The following PCDHGA2 variants were observed in gnomAD, a reference collection of about 807,000 sequenced individuals.
PCDHGA2 encodes the protein protocadherin gamma subfamily A, 2.
A neutral mutation model predicts 59.2 loss-of-function variants in PCDHGA2; 40 were observed. The observed-to-expected ratio is 0.68, with a 90% confidence interval of 0.52 to 0.88. The LOEUF (loss-of-function observed/expected upper bound fraction) is 0.88. Among genes scored for constraint, PCDHGA2 ranks in the 40% least tolerant of loss-of-function variants. The probability of loss-of-function intolerance (pLI) is 0.00; values close to 1 mark genes in which losing one functional copy is unlikely to be tolerated. For missense variants in PCDHGA2, 1,226 were observed against 1,204.0 expected (o/e 1.02, Z -0.27); for synonymous variants, 560 against 526.0 (o/e 1.06, Z -0.89).
intron 1 of PCDHGA2, chr5:141,350,037 G>A: frequency 2.6e-6 from 1 of 384,398 alleles, no homozygotes; most frequent in Non-Finnish European, 4.6e-6. Context: ...CAACCTCTGG[G>A]CGCCGCTGTC....
At chr5:141,376,323 G>T in intron 1 of PCDHGA2, 1 of 1,614,162 alleles carries the variant, frequency 6.2e-7, no homozygotes, top group South Asian at 1.1e-5. Flanking sequence ...GAAGGGGTTC[G>T]GGCTTTCCTG....
chr5:141,345,126 GAAA>G, intron 1 of PCDHGA2: 1 of 1,614,002 alleles, frequency 6.2e-7, no homozygotes, highest in Non-Finnish European at 8.5e-7. Context: ...CGTTGGAAGA[GAAA>G]TTGCTCTTAT....
chr5:141,372,455 G>C, intron 1 of PCDHGA2: 1 of 1,614,060 alleles, frequency 6.2e-7, no homozygotes, highest in Non-Finnish European at 8.5e-7. Flanking sequence ...CTCAGGCGGA[G>C]CTACAGTTTC....
At chr5:141,462,206 T>A (rs574863016) in intron 1 of PCDHGA2, among the ~76,000 whole-genome samples, 7 of 152,066 alleles carry the variant, frequency 4.6e-5, no homozygotes, top group African/African-American at 1.7e-4. Flanking sequence ...GTGATCCGCC[T>A]GCCTCGGCCT....
rs201540226 is a variant in PCDHGA2, at chr5:141,399,196, G to T, written c.2424+57801G>T. On this transcript the variant is annotated intron_variant, in intron 1 of 3. Coordinates refer to ENST00000394576, the MANE Select transcript of PCDHGA2 (RefSeq NM_018915.4). ...ACTTGAAATGATTCTGGAAAACGCG[G>T]TGCCTGGAACACTAATTGCTTTGAT... The T allele has an allele frequency of 4.2e-5, 67 of 1,613,820 alleles. 1 individual carries two copies. In the African/African-American group the frequency reaches 5.7e-4, roughly 14 times the overall value.
chr5:141,494,675 C>A, intron 1 of PCDHGA2, 132 bp from the exon 2 acceptor site: 2 of 1,548,574 alleles, frequency 1.3e-6, no homozygotes, highest in South Asian at 1.2e-5. Flanking sequence ...TGAGTCCACC[C>A]CTGCCCCCTC....
intron 1 of PCDHGA2, chr5:141,413,033 T>C: frequency 1.3e-6 from 1 of 776,760 alleles, no homozygotes; most frequent in Non-Finnish European, 2.0e-6. Context: ...ACAAACCGGC[T>C]GCTGGGCTGC....
chr5:141,438,591 CATATATATATAT>C lies in PCDHGA2; in HGVS notation c.2425-56182_2425-56171del, dbSNP rs946798767. ...TCTGATATACATACATACATACATACATATATATATATATATATATATATATATATATATATA... is the reference window on the plus strand; with the variant it reads ...TCTGATATACATACATACATACATACATATATATATATATATATATATATA... On this transcript the variant is annotated intron_variant, in intron 1 of 3. Coordinates refer to ENST00000394576, the MANE Select transcript of PCDHGA2 (RefSeq NM_018915.4). Among the ~76,000 whole-genome samples the C allele has an allele frequency of 1.5e-4, 11 of 75,568 alleles. No homozygotes were observed. The East Asian group carries it at 2.8e-3, about 19-fold the overall frequency. The allele number at this position is 75,568 out of a possible 152,430, so 49.6% of individuals were successfully genotyped here.
At chr5:141,413,677 G>C (rs539552615) in intron 1 of PCDHGA2, 1 of 1,613,794 alleles carries the variant, frequency 6.2e-7, no homozygotes, top group South Asian at 1.1e-5. Context: ...GGATGTGGGC[G>C]TGAACTCCCT....
intron 1 of PCDHGA2, among the ~76,000 whole-genome samples, chr5:141,471,120 C>T (rs560582806): frequency 6.7e-6 from 1 of 149,470 alleles, no homozygotes; most frequent in South Asian, 2.1e-4. Context: ...GCGATCTTAC[C>T]TTCACTGCAA....
At chr5:141,406,421 A>G (rs981815055) in intron 1 of PCDHGA2, among the ~76,000 whole-genome samples, 2 of 152,222 alleles carry the variant, frequency 1.3e-5, no homozygotes, top group East Asian at 1.9e-4. Flanking sequence ...GAAAGCCCAG[A>G]TTTATTGCTT....
intron 1 of PCDHGA2, chr5:141,371,030 C>T (rs62378420): frequency 0.034 from 55,625 of 1,613,990 alleles, 1,067 homozygotes; most frequent in Middle Eastern, 0.098. Flanking sequence ...ACCTGGTCCT[C>T]ACAGCTGTGG....
chr5:141,377,843 A>C (rs1774391445), intron 1 of PCDHGA2: 1 of 152,166 alleles, frequency 6.6e-6, no homozygotes, highest in Admixed American at 6.5e-5. Flanking sequence ...ATTATCTTCC[A>C]ATTAAAATTA....
At chr5:141,419,939 G>GTGGCCT (rs780963377) in intron 1 of PCDHGA2, 3 of 1,614,054 alleles carry the variant, frequency 1.9e-6, no homozygotes, top group Admixed American at 1.7e-5. Flanking sequence ...TTACCTGGTG[G>GTGGCCT]TGGCCTTGGC....
intron 1 of PCDHGA2, among the ~76,000 whole-genome samples, chr5:141,430,358 C>T (rs2097275535): frequency 6.7e-6 from 1 of 149,028 alleles, no homozygotes; most frequent in South Asian, 2.1e-4. Flanking sequence ...TTTAAAAGCT[C>T]ATTGGGGAAA....
Position 141,340,615 on chromosome 5 carries a change from A to G in PCDHGA2, c.1644A>G (p.Leu548=), listed in dbSNP as rs766188279. 6 of 1,614,188 alleles carry G rather than the reference A, an allele frequency of 3.7e-6. No individual in the cohort carries two copies. In the Admixed American group the frequency reaches 5.0e-5, roughly 13 times the overall value. ...GNPPLSSNVS[L]SLFVLDQNDN... is the part of the protein sequence containing the mutation. Reference sequence around the variant, plus strand: ...CTCCACTCAGTAGCAATGTATCATTAAGCCTGTTCGTGCTGGACCAGAACG... The same window carrying G: ...CTCCACTCAGTAGCAATGTATCATTGAGCCTGTTCGTGCTGGACCAGAACG... Residue 548 remains leucine (L), a synonymous_variant, in exon 1 of 4, where the codon TTA becomes TTG. Transcript: ENST00000394576.
intron 1 of PCDHGA2, chr5:141,357,147 TG>T: frequency 6.2e-7 from 1 of 1,613,554 alleles, no homozygotes; most frequent in Non-Finnish European, 8.5e-7. Context: ...TCCAGGACCA[TG>T]GCCAGCCCCC....
At chr5:141,500,729 C>T (rs1434863449) in intron 2 of PCDHGA2, among the ~76,000 whole-genome samples, 2 of 152,130 alleles carry the variant, frequency 1.3e-5, no homozygotes, top group Non-Finnish European at 2.9e-5. Flanking sequence ...CCATGTCTTT[C>T]AAAATTCTTC....
intron 1 of PCDHGA2, chr5:141,416,818 C>T (rs766541497): frequency 9.9e-5 from 15 of 151,960 alleles, no homozygotes; most frequent in Admixed American, 2.6e-4. Flanking sequence ...AAAAGCATTC[C>T]GAAGTTTCTC....
Sources: allele counts gnomAD v4.1 joint callset (sites outside exome capture counted in the v4.1 genomes callset), GRCh38; gene constraint gnomAD v4.1.1; transcripts MANE v1.5; gene names NCBI Gene and HGNC (gene_info 2026-07-23, HGNC 2026-07-21).